ANKRD30A: variants seen among roughly 807,000 people sequenced by gnomAD.
The protein encoded by ANKRD30A is ankyrin repeat domain 30A.
Under a neutral mutation model 166.3 loss-of-function variants are expected in ANKRD30A, and 170 were observed. The ratio of observed to expected loss-of-function variants is 1.02; its 90% CI spans 0.90 to 1.16. The LOEUF (loss-of-function observed/expected upper bound fraction) is 1.16. ANKRD30A is among the 50% of genes most tolerant of loss of function. The pLI is 0.00. For synonymous variants in ANKRD30A, 564 were observed against 508.9 expected, an observed-to-expected ratio of 1.11 and a Z score of -1.46; for missense variants, 1,630 against 1,518.0, an observed-to-expected ratio of 1.07 and a Z score of -1.23.
the ANKRD30A span, chr10:37,264,603 C>A: frequency 5.4e-6 from 2 of 368,872 alleles, no homozygotes; most frequent in South Asian, 1.0e-4. Context: ...GCCATCTGGT[C>A]CACCATTCTC....
At chr10:37,147,345 T>A in intron 8 of ANKRD30A, 25 bp from the exon 9 acceptor site, 2 of 1,483,100 alleles carry the variant, frequency 1.3e-6, no homozygotes, top group Non-Finnish European at 1.8e-6. Context: ...AAACTGAAAT[T>A]ATCTATTGAT....
rs746737012 is a variant in ANKRD30A, at chr10:37,193,091, A to T, written c.2540A>T (p.Lys847Met). The T allele has an allele frequency of 1.6e-5, 26 of 1,606,670 alleles. No individual in the cohort carries two copies. The Admixed American group carries it at 4.2e-4, about 26-fold the overall frequency. ...EESPDNDGFL[K>M]APCRMKVSIP... ...TCTCCTGATAATGATGGTTTTCTGA[A>T]GGTAATAACTTTTATATTTTTATCT... Residue 847 changes from lysine to methionine, a missense_variant and splice_region_variant, in exon 26 of 36, where the codon AAG becomes ATG. Around this residue, in one of 4 missense-constraint regions of ANKRD30A, gnomAD observed 712 missense variants for 629.3 expected, o/e 1.13. Transcript: ENST00000361713.
At chr10:37,128,893 C>G (rs1181898627) in intron 1 of ANKRD30A, among the ~76,000 whole-genome samples, 1 of 151,938 alleles carries the variant, frequency 6.6e-6, no homozygotes, top group Non-Finnish European at 1.5e-5. Context: ...TTTATAATAG[C>G]TTTGAATAGT....
chr10:37,130,122 T>C, intron 2 of ANKRD30A, 83 bp from the exon 3 acceptor site: 1 of 1,164,914 alleles, frequency 8.6e-7, no homozygotes, highest in Admixed American at 3.9e-5. Context: ...AATATTTATT[T>C]TGATTTCCTA....
the ANKRD30A span, among the ~76,000 whole-genome samples, chr10:37,252,466 A>T: frequency 6.6e-6 from 1 of 152,176 alleles, no homozygotes; most frequent in Non-Finnish European, 1.5e-5. Context: ...CCCTCTGCTC[A>T]TGGCATTGTT....
intron 31 of ANKRD30A, among the ~76,000 whole-genome samples, chr10:37,202,904 C>T (rs1015218634): frequency 6.6e-6 from 1 of 152,120 alleles, no homozygotes; most frequent in African/African-American, 2.4e-5. Flanking sequence ...TGGATAAATT[C>T]CTGGACAGCT....
chr10:37,128,150 C>T (rs1157991506), intron 1 of ANKRD30A, among the ~76,000 whole-genome samples: 2 of 151,968 alleles, frequency 1.3e-5, no homozygotes, highest in African/African-American at 2.4e-5. Flanking sequence ...TACACATAGA[C>T]TATGGTCTTG....
chr10:37,140,912 C>T (rs1256557553), intron 6 of ANKRD30A, among the ~76,000 whole-genome samples: 5 of 152,088 alleles, frequency 3.3e-5, no homozygotes, highest in Admixed American at 3.3e-4. Flanking sequence ...TTAAGGTGCT[C>T]ATAAAACAGT....
At chr10:37,143,751 C>T (rs933133815) in intron 7 of ANKRD30A, among the ~76,000 whole-genome samples, 1 of 151,172 alleles carries the variant, frequency 6.6e-6, no homozygotes, top group African/African-American at 2.4e-5. Context: ...TGTGAGCAAA[C>T]AGGCAAGATT....
intron 31 of ANKRD30A, among the ~76,000 whole-genome samples, chr10:37,210,955 A>G (rs767869281): frequency 6.6e-6 from 1 of 152,136 alleles, no homozygotes; most frequent in Non-Finnish European, 1.5e-5. Context: ...TGCTGTGCCG[A>G]AGCTCTTTAG....
the ANKRD30A span, chr10:37,248,335 A>G: frequency 2.3e-5 from 8 of 350,128 alleles, no homozygotes; most frequent in East Asian, 5.5e-4. Flanking sequence ...CTGAAGCTTG[A>G]AAGAGAACAC....
In ANKRD30A at chr10:37,142,062, G is replaced by C. The variant is rs552183541; in HGVS notation, c.1165G>C (p.Glu389Gln). 2.2e-4 allele frequency: 359 copies of C among 1,609,120 alleles called. 5 individuals are homozygous for C. In the South Asian group the frequency reaches 3.8e-3, roughly 17 times the overall value. The change falls in exon 7 of 36, where the codon GAA becomes CAA. Residue 389 changes from glutamate to glutamine, a missense_variant. Glu to Gln is a conservative substitution (Grantham distance 29). Around this residue, in one of 4 missense-constraint regions of ANKRD30A, gnomAD observed 904 missense variants for 818.5 expected, o/e 1.10. Transcript: ENST00000361713. The part of the protein sequence containing the change: ...RPRKIAWEKK[E>Q]DTPREIMSPA... ...TAGGAAGATCGCATGGGAGAAAAAA[G>C]AAGACACACCTAGGGAAATTATGAG...
chr10:37,244,262 G>T, the ANKRD30A span, among the ~76,000 whole-genome samples: 284 of 152,212 alleles, frequency 1.9e-3, 4 homozygotes, highest in Non-Finnish European at 5.0e-4. Context: ...CATCAAACTT[G>T]TAAGCAACGT....
intron 6 of ANKRD30A, among the ~76,000 whole-genome samples, chr10:37,138,432 C>G (rs1564472752): frequency 6.6e-6 from 1 of 151,988 alleles, no homozygotes; most frequent in Non-Finnish European, 1.5e-5. Flanking sequence ...CTACTCTGAG[C>G]TAAAGGAGGA....
Position 37,219,008 on chromosome 10 carries a change from A to T in ANKRD30A, c.3296A>T (p.Tyr1099Phe). Residue 1099 changes from tyrosine to phenylalanine, a missense_variant, in exon 34 of 36, where the codon TAT becomes TTT. Physicochemically the swap from Tyr to Phe is conservative, Grantham distance 22. Transcript: ENST00000361713. Reference protein sequence around the residue: ...QVSHTHENENYLLHENCMLKK... With the variant: ...QVSHTHENENFLLHENCMLKK... The stretch of plus-strand genomic sequence containing the variant: ...TCTCACACTCATGAAAATGAAAATT[A>T]TCTCTTACATGAAAATTGCATGTTG... The T allele has an allele frequency of 6.3e-7, 1 of 1,589,150 alleles. No homozygotes were observed. The highest frequency in any genetic ancestry group is 8.5e-7 in the Non-Finnish European group (1 of 1,171,122).
At chr10:37,193,158 T>G (rs747618374) in intron 26 of ANKRD30A, 28 bp from the exon 27 acceptor site, 21 of 1,609,710 alleles carry the variant, frequency 1.3e-5, no homozygotes, top group Non-Finnish European at 1.8e-5. Flanking sequence ...CATTGTATAT[T>G]AATTGTTTTG....
chr10:37,245,061 G>A, the ANKRD30A span, among the ~76,000 whole-genome samples: 1 of 152,018 alleles, frequency 6.6e-6, no homozygotes. Flanking sequence ...TAATAATTTG[G>A]GCAGAAAAGA....
At chr10:37,140,004 A>C (rs1197952999) in intron 6 of ANKRD30A, among the ~76,000 whole-genome samples, 1 of 152,222 alleles carries the variant, frequency 6.6e-6, no homozygotes, top group Non-Finnish European at 1.5e-5. Context: ...ACAGTCAATT[A>C]ACTCATAGTT....
downstream of ANKRD30A, among the ~76,000 whole-genome samples, chr10:37,234,723 ATAAT>A (rs1452450898): frequency 6.6e-6 from 1 of 152,208 alleles, no homozygotes; most frequent in Non-Finnish European, 1.5e-5. Flanking sequence ...AAATTTTCTA[ATAAT>A]TTATTTAAGT....
Sources: allele counts gnomAD v4.1 joint callset (sites outside exome capture counted in the v4.1 genomes callset), GRCh38; gene constraint gnomAD v4.1.1; regional missense constraint gnomAD v4.1.1; transcripts MANE v1.5; gene names NCBI Gene and HGNC (gene_info 2026-07-23, HGNC 2026-07-21).